Variants in MACF1 observed in about 807,000 individuals in gnomAD.
The protein encoded by MACF1 is microtubule actin crosslinking factor 1, also known as microtubule-actin cross-linking factor 1.
A neutral mutation model predicts 854.8 loss-of-function variants in MACF1; 193 were observed. The observed-to-expected ratio is 0.23, with a 90% CI of 0.20 to 0.25. MACF1 has a LOEUF of 0.25. MACF1 is among the 10% of genes least tolerant of loss of function. MACF1 has a pLI of 1.00. For synonymous variants in MACF1, 3,185 were observed against 3,226.7 expected (o/e 0.99, Z 0.44); for missense variants, 7,722 against 8,929.1 (o/e 0.86, Z 5.45).
intron 6 of MACF1, among the ~76,000 whole-genome samples, chr1:39,281,464 A>T (rs536758571): frequency 1.4e-5 from 2 of 140,044 alleles, no homozygotes; most frequent in Non-Finnish European, 3.1e-5. Flanking sequence ...TCATTGTCCT[A>T]TGTCATTAAA....
rs2148444321 is a variant in MACF1, at chr1:39,315,551, G to T, written c.3309G>T (p.Leu1103Phe). The T allele has an allele frequency of 3.1e-6, 5 of 1,614,054 alleles. No individual in the cohort carries two copies. In the East Asian group the frequency reaches 1.1e-4, roughly 36 times the overall value. Residue 1103 changes from leucine (L) to phenylalanine (F), a missense_variant, in exon 27 of 101, where the codon TTG becomes TTT. Leu to Phe is a conservative substitution (Grantham distance 22). This residue lies in a region of MACF1 where 1,137 missense variants were observed against 1,263.0 expected (regional missense o/e 0.90). Transcript: ENST00000564288. ...ATTTACAGCAATTGAGGTCAGACTT[G>T]GATGCAGTTTCTATGAAATGTGACA... ...QEDLQQLRSDLDAVSMKCDSF... is the reference protein window; with the variant it reads ...QEDLQQLRSDFDAVSMKCDSF...
chr1:39,115,718 A>G (rs1433255168), intron 2 of MACF1, among the ~76,000 whole-genome samples: 1 of 152,134 alleles, frequency 6.6e-6, no homozygotes, highest in African/African-American at 2.4e-5. Context: ...TTAGGAGTGT[A>G]TGTATATTGA....
rs576289463 is a variant in MACF1, at chr1:39,438,848, C to T, written c.18221-426C>T. Among the ~76,000 whole-genome samples the T allele has an allele frequency of 7.6e-4, 113 of 149,230 alleles. 5 individuals are homozygous for T. The South Asian group carries it at 0.022, about 29-fold the overall frequency. On this transcript the variant is annotated intron_variant, in intron 71 of 100. Coordinates refer to ENST00000564288, the MANE Select transcript of MACF1 (RefSeq NM_001394062.1). ...TGATAATCCAAGCACTTTGGGAGGC[C>T]GAGGCGGGTGGATCACCTGAGGTCA...
intron 26 of MACF1, among the ~76,000 whole-genome samples, chr1:39,313,909 C>T (rs533065382): frequency 1.3e-5 from 2 of 152,226 alleles, no homozygotes; most frequent in Admixed American, 1.3e-4. Flanking sequence ...GGTCATGATG[C>T]CCATTGAAGT....
At chr1:39,091,736 G>A (rs988044513) in intron 2 of MACF1, among the ~76,000 whole-genome samples, 14 of 152,186 alleles carry the variant, frequency 9.2e-5, no homozygotes, top group East Asian at 3.9e-4. Context: ...TCTTGACCTC[G>A]TGATCCACCT....
At chr1:39,377,014 T>G (rs1649780456) in intron 52 of MACF1, among the ~76,000 whole-genome samples, 1 of 151,348 alleles carries the variant, frequency 6.6e-6, no homozygotes, top group African/African-American at 2.4e-5. Flanking sequence ...ACTATTTTGT[T>G]TTTGTTGTTG....
chr1:39,435,599 C>G lies in MACF1; in HGVS notation c.17826C>G (p.Asp5942Glu). 6.2e-7 allele frequency: 1 copy of G among 1,614,066 alleles called. No homozygotes were observed. The highest frequency in any genetic ancestry group is 1.1e-5 in the South Asian group (1 of 91,062). Residue 5942 changes from aspartate to glutamate, a missense_variant, in exon 70 of 101, where the codon GAC becomes GAG. By Grantham distance (45) the Asp-to-Glu change is conservative. This residue lies in a region of MACF1 where 2,807 missense variants were observed against 3,235.8 expected (regional missense o/e 0.87). Transcript: ENST00000564288. ...ESIAEHKPHI[D>E]KLLKIGPQLK... is the part of the protein sequence containing the mutation. ...TTGCTGAACACAAACCTCATATTGA[C>G]AAACTACTAAAGATAGGCCCACAAC...
chr1:39,408,967 T>C (rs1180374), intron 58 of MACF1, among the ~76,000 whole-genome samples: 151,059 of 151,770 alleles, frequency 1, 75,180 homozygotes, highest in Middle Eastern at 1. Context: ...TCGTCCTCCT[T>C]CCTGTGCTCT....
At chr1:39,168,614 T>A (rs971102325) in intron 2 of MACF1, among the ~76,000 whole-genome samples, 6 of 152,170 alleles carry the variant, frequency 3.9e-5, no homozygotes, top group Admixed American at 2.6e-4. Flanking sequence ...ATTACAGGCG[T>A]GAGCCACTGC....
intron 2 of MACF1, among the ~76,000 whole-genome samples, chr1:39,144,237 C>T (rs749704177): frequency 6.6e-5 from 10 of 152,008 alleles, no homozygotes; most frequent in Middle Eastern, 3.4e-3. Flanking sequence ...CCTGCCACCA[C>T]CCCCAGCTAA....
intron 2 of MACF1, among the ~76,000 whole-genome samples, chr1:39,109,413 G>A (rs1323006698): frequency 1.2e-4 from 18 of 151,988 alleles, no homozygotes; most frequent in African/African-American, 3.6e-4. Context: ...GGGATTACAG[G>A]TGCACGCCAC....
At chr1:39,418,484 C>T (rs984757412) in intron 58 of MACF1, among the ~76,000 whole-genome samples, 1 of 152,278 alleles carries the variant, frequency 6.6e-6, no homozygotes, top group African/African-American at 2.4e-5. Context: ...CTCACTCCCA[C>T]CCCCAAAGAT....
intron 63 of MACF1, 126 bp downstream of exon 63, chr1:39,428,413 A>ACTTGTG: frequency 4.4e-6 from 4 of 900,908 alleles, no homozygotes; most frequent in Non-Finnish European, 6.6e-6. Flanking sequence ...ACACAAGTGC[A>ACTTGTG]TAGTTAGTGG....
intron 2 of MACF1, among the ~76,000 whole-genome samples, chr1:39,194,124 C>T (rs1644288061): frequency 6.6e-6 from 1 of 152,070 alleles, no homozygotes; most frequent in Non-Finnish European, 1.5e-5. Context: ...TGCGCCACCA[C>T]ACCTGGCCAA....
chr1:39,430,863 A>G lies in MACF1; in HGVS notation c.17292A>G (p.Gly5764=), dbSNP rs61779301. 1 of 1,612,650 alleles carries G rather than the reference A, an allele frequency of 6.2e-7. No individual in the cohort carries two copies. The highest frequency in any genetic ancestry group is 8.5e-7 in the Non-Finnish European group (1 of 1,180,012). ...ACAAACTAGTCAGTGACACTATTGG[A>G]CAAAGGGTGGATGAAATTGATGCTG... ...EQYKLVSDTI[G]QRVDEIDAAI... is the part of the protein sequence containing the mutation. Residue 5764 remains glycine (G), a synonymous_variant, in exon 66 of 101, where the codon GGA becomes GGG. Transcript: ENST00000564288.
At chr1:39,256,695 G>A (rs1379631606) in intron 5 of MACF1, among the ~76,000 whole-genome samples, 1 of 152,176 alleles carries the variant, frequency 6.6e-6, no homozygotes, top group East Asian at 1.9e-4. Flanking sequence ...GGGGCAGTAA[G>A]TCAGCCTGGG....
At position 39,300,370 on chromosome 1, in the gene MACF1, G is replaced by A. The variant is rs375032983; in HGVS notation, c.2634+8G>A. The A allele has an allele frequency of 6.2e-7, 1 of 1,612,258 alleles. No homozygotes were observed. Among genetic ancestry groups the A allele is most frequent in the African/African-American group, 1.3e-5 (1 of 74,830 alleles). ...GACTACAGGCAGATCGAGGTGAGGAGGTAGAAAGGGTACCTCTGGGCCACA... is the reference window on the plus strand; with the variant it reads ...GACTACAGGCAGATCGAGGTGAGGAAGTAGAAAGGGTACCTCTGGGCCACA... On this transcript the variant is annotated splice_region_variant and intron_variant, in intron 22 of 100. Coordinates refer to ENST00000564288, the MANE Select transcript of MACF1 (RefSeq NM_001394062.1).
chr1:39,278,452 T>C (rs1199996474), intron 6 of MACF1, among the ~76,000 whole-genome samples: 1 of 152,226 alleles, frequency 6.6e-6, no homozygotes, highest in East Asian at 1.9e-4. Flanking sequence ...GTAGTTTTAG[T>C]GCAATATACA....
At chr1:39,427,072 A>G (rs1643752016) in intron 61 of MACF1, among the ~76,000 whole-genome samples, 1 of 152,194 alleles carries the variant, frequency 6.6e-6, no homozygotes, top group Non-Finnish European at 1.5e-5. Context: ...TTCAGGTGAT[A>G]TATATACTAC....
Sources: gnomAD v4.1 joint callset for allele counts (sites outside exome capture counted in the v4.1 genomes callset) on GRCh38, gnomAD v4.1.1 for gene constraint, gnomAD v4.1.1 regional missense constraint, MANE v1.5 for transcripts, NCBI Gene and HGNC (gene_info 2026-07-23, HGNC 2026-07-21) for gene names.